Variants in ERLIN1 observed in about 807,000 individuals in gnomAD.
ERLIN1 encodes erlin-1.
In ERLIN1, 24 loss-of-function variants were observed where a neutral mutation model predicts 46.9. The observed-to-expected ratio is 0.51, with a 90% CI of 0.37 to 0.72. The LOEUF (loss-of-function observed/expected upper bound fraction) is 0.72, where lower values mean the gene tolerates loss of function less well. ERLIN1 is among the 30% of genes least tolerant of loss of function. The probability of loss-of-function intolerance (pLI) is 0.00; values close to 1 mark genes in which losing one functional copy is unlikely to be tolerated. For synonymous variants in ERLIN1, 158 were observed against 143.2 expected (o/e 1.10, Z -0.74); for missense variants, 293 against 417.9 (o/e 0.70, Z 2.61).
At chr10:100,167,917 T>C (rs1405418853) in intron 6 of ERLIN1, among the ~76,000 whole-genome samples, 1 of 152,258 alleles carries the variant, frequency 6.6e-6, no homozygotes. Flanking sequence ...TGGTATTTGC[T>C]GTAAGTAAAC....
At chr10:100,161,834 C>G (rs1843378611) in intron 8 of ERLIN1, among the ~76,000 whole-genome samples, 1 of 152,048 alleles carries the variant, frequency 6.6e-6, no homozygotes, top group Admixed American at 6.5e-5. Context: ...AAATAATAAA[C>G]TATTCAATAA....
intron 8 of ERLIN1, among the ~76,000 whole-genome samples, chr10:100,157,593 G>A (rs1843143732): frequency 1.3e-5 from 2 of 152,222 alleles, no homozygotes; most frequent in African/African-American, 4.8e-5. Context: ...CCATAAAACA[G>A]TATGCTTTAC....
At chr10:100,174,727 C>G (rs1351404484) in intron 5 of ERLIN1, among the ~76,000 whole-genome samples, 1 of 152,190 alleles carries the variant, frequency 6.6e-6, no homozygotes, top group Non-Finnish European at 1.5e-5. Flanking sequence ...AATCTTTACT[C>G]AAATTCCCAA....
chr10:100,171,859 A>T (rs187368591), intron 6 of ERLIN1, among the ~76,000 whole-genome samples: 2 of 152,246 alleles, frequency 1.3e-5, no homozygotes, highest in African/African-American at 2.4e-5. Context: ...TTTCTCCAAA[A>T]GGATTAAGAG....
chr10:100,168,972 C>A (rs1395917887), intron 6 of ERLIN1, among the ~76,000 whole-genome samples: 1 of 152,200 alleles, frequency 6.6e-6, no homozygotes, highest in Non-Finnish European at 1.5e-5. Context: ...GCGTGAGCCA[C>A]CACACTCGGC....
chr10:100,169,512 A>T (rs1446265255), intron 6 of ERLIN1, among the ~76,000 whole-genome samples: 2 of 152,134 alleles, frequency 1.3e-5, no homozygotes, highest in Non-Finnish European at 2.9e-5. Context: ...AAGGAAAAAA[A>T]TATAATAGTG....
At chr10:100,184,832 C>CGCTCTTTTTG (rs1844869792) in intron 1 of ERLIN1, among the ~76,000 whole-genome samples, 1 of 152,154 alleles carries the variant, frequency 6.6e-6, no homozygotes, top group African/African-American at 2.4e-5. Flanking sequence ...AAAAAGTTGA[C>CGCTCTTTTTG]GCTCTTTTTG....
rs899878398 is a variant in ERLIN1 at position 100,154,749 on chromosome 10, C to T, written c.825+111G>A. On this transcript the variant is annotated intron_variant, in intron 10 of 10. Transcript: ENST00000421367. Reference sequence around the variant, plus strand: ...CTAATTCTGGAGGATGTCTTGGTCACTACACTTTCTTGACAATGGATAAAA... The same window carrying T: ...CTAATTCTGGAGGATGTCTTGGTCATTACACTTTCTTGACAATGGATAAAA... 9 of 836,728 alleles carry T rather than the reference C, an allele frequency of 1.1e-5. No homozygotes were observed. In the African/African-American group the frequency reaches 1.4e-4, roughly 13 times the overall value. The allele number at this position is 836,728 out of a possible 1,614,324, so 51.8% of individuals were successfully genotyped here.
rs748830272 is a variant in ERLIN1, at chr10:100,175,949, C to A, written c.426G>T (p.Leu142Phe). The A allele has an allele frequency of 1.9e-6, 3 of 1,612,678 alleles. No individual in the cohort carries two copies. Among genetic ancestry groups the A allele is most frequent in the East Asian group, 2.2e-5 (1 of 44,834 alleles). ...CATAAGAATTAAGACACTTACCAAACAATTCAATGTAAACTTCCTGAAGTG... is the reference window on the plus strand; with the variant it reads ...CATAAGAATTAAGACACTTACCAAAAAATTCAATGTAAACTTCCTGAAGTG... ...AHTLQEVYIE[L>F]FDQIDENLKQ... is the part of the protein sequence containing the mutation. Residue 142 changes from leucine (L) to phenylalanine (F), a missense_variant, in exon 5 of 11, where the codon TTG becomes TTT. Leu to Phe is a conservative substitution (Grantham distance 22, BLOSUM62 0). Around this residue, in one of 3 missense-constraint regions of ERLIN1, gnomAD observed 148 missense variants for 266.5 expected, o/e 0.56. Transcript: ENST00000421367.
intron 8 of ERLIN1, among the ~76,000 whole-genome samples, chr10:100,161,433 TCTC>T (rs1244673249): frequency 6.6e-6 from 1 of 151,176 alleles, no homozygotes; most frequent in Non-Finnish European, 1.5e-5. Flanking sequence ...AAAAGACAAC[TCTC>T]CTAAATGGAG....
Position 100,185,999 on chromosome 10 carries a change from C to T in ERLIN1, c.-373G>A. On this transcript the variant is annotated 5_prime_UTR_variant, in exon 1 of 11. Coordinates refer to ENST00000421367, the MANE Select transcript of ERLIN1 (RefSeq NM_006459.4). Reference sequence around the variant, plus strand: ...CATCGCCCCCGCCCGCACGTGCAGCCGACTCCCGCGCCGAGCCAACCGCCG... The same window carrying T: ...CATCGCCCCCGCCCGCACGTGCAGCTGACTCCCGCGCCGAGCCAACCGCCG... 2.4e-6 allele frequency: 1 copy of T among 424,674 alleles called. No homozygotes were observed. The highest frequency in any genetic ancestry group is 4.1e-6 in the Non-Finnish European group (1 of 242,026). 26.3% of individuals were successfully genotyped at this position (424,674 alleles called of 1,614,324 possible).
chr10:100,153,321 C>T (rs1045252651), intron 10 of ERLIN1, among the ~76,000 whole-genome samples: 1 of 151,950 alleles, frequency 6.6e-6, no homozygotes, highest in Admixed American at 6.5e-5. Context: ...TAAAACTCGT[C>T]GACCACCAGA....
Position 100,154,943 on chromosome 10 carries a change from G to C in ERLIN1, c.746-4C>G. 2 of 1,612,244 alleles carry C rather than the reference G, an allele frequency of 1.2e-6. No individual in the cohort carries two copies. The highest frequency in any genetic ancestry group is 2.2e-5 in the South Asian group (2 of 91,020). ...TCTCGGGCCAGGAATGCAGCATCTAGCAAATAAACAAAGGAAAGGTGTCAA... is the reference window on the plus strand; with the variant it reads ...TCTCGGGCCAGGAATGCAGCATCTACCAAATAAACAAAGGAAAGGTGTCAA... On this transcript the variant is annotated splice_polypyrimidine_tract_variant and splice_region_variant and intron_variant, in intron 9 of 10. Coordinates refer to ENST00000421367, the MANE Select transcript of ERLIN1 (RefSeq NM_006459.4).
At chr10:100,180,434 T>TAA (rs900525370) in intron 2 of ERLIN1, among the ~76,000 whole-genome samples, 2 of 152,146 alleles carry the variant, frequency 1.3e-5, no homozygotes, top group African/African-American at 4.8e-5. Flanking sequence ...ACTGAACTGT[T>TAA]AAGTGGTAAA....
chr10:100,153,075 G>GGGCT (rs1378939314), intron 10 of ERLIN1, among the ~76,000 whole-genome samples: 1 of 152,174 alleles, frequency 6.6e-6, no homozygotes, highest in Non-Finnish European at 1.5e-5. Flanking sequence ...TTCAAAGGAA[G>GGGCT]GGCTGGTGCT....
intron 1 of ERLIN1, among the ~76,000 whole-genome samples, chr10:100,184,717 T>C (rs1230829066): frequency 6.6e-6 from 1 of 152,236 alleles, no homozygotes; most frequent in African/African-American, 2.4e-5. Flanking sequence ...ATTTCTTATG[T>C]AGAGCTCCAT....
chr10:100,152,863 T>C (rs1280041319), intron 10 of ERLIN1, among the ~76,000 whole-genome samples: 1 of 152,170 alleles, frequency 6.6e-6, no homozygotes, highest in Non-Finnish European at 1.5e-5. Flanking sequence ...GCCTTTTTTT[T>C]TTCTGGAGAT....
chr10:100,178,591 C>T (rs1205354298), intron 3 of ERLIN1, among the ~76,000 whole-genome samples: 5 of 152,192 alleles, frequency 3.3e-5, no homozygotes, highest in African/African-American at 4.8e-5. Flanking sequence ...TGCAAATTCT[C>T]GGGCCTCACC....
At chr10:100,158,724 A>G (rs768783202) in intron 8 of ERLIN1, among the ~76,000 whole-genome samples, 2 of 152,266 alleles carry the variant, frequency 1.3e-5, no homozygotes, top group Non-Finnish European at 2.9e-5. Flanking sequence ...GAGGACAGTG[A>G]TAAGAGTTAA....
Sources: gnomAD v4.1 joint callset for allele counts (sites outside exome capture counted in the v4.1 genomes callset) on GRCh38, gnomAD v4.1.1 for gene constraint, gnomAD v4.1.1 regional missense constraint, MANE v1.5 for transcripts, NCBI Gene and HGNC (gene_info 2026-07-23, HGNC 2026-07-21) for gene names.